Variants in PPP2R2C observed in about 807,000 individuals in gnomAD.
PPP2R2C encodes the protein protein phosphatase 2, regulatory subunit B, gamma.
In PPP2R2C, 10 loss-of-function variants were observed where a neutral mutation model predicts 45.3. The ratio of observed to expected loss-of-function variants is 0.22; its 90% CI spans 0.14 to 0.37. The LOEUF (loss-of-function observed/expected upper bound fraction) is 0.37, where lower values mean the gene tolerates loss of function less well. Among genes scored for constraint, PPP2R2C ranks in the 10% least tolerant of loss-of-function variants. The pLI is 1.00. For synonymous variants in PPP2R2C, 257 were observed against 245.4 expected (o/e 1.05, Z -0.44); for missense variants, 308 against 619.7 (o/e 0.50, Z 5.34).
At chr4:6,422,297 C>G (rs950803963) in intron 1 of PPP2R2C, among the ~76,000 whole-genome samples, 5 of 152,212 alleles carry the variant, frequency 3.3e-5, no homozygotes, top group African/African-American at 1.2e-4. Context: ...CCTGCACCAT[C>G]TCTGGAGGCA....
chr4:6,381,217 G>C, intron 1 of PPP2R2C, 123 bp from the exon 2 acceptor site: 11 of 1,541,514 alleles, frequency 7.1e-6, no homozygotes, highest in Non-Finnish European at 9.6e-6. Flanking sequence ...CTGGGCAGGA[G>C]GCAGCAGGGA....
chr4:6,546,083 G>A (rs931789048), intron 1 of PPP2R2C, among the ~76,000 whole-genome samples: 66 of 152,336 alleles, frequency 4.3e-4, no homozygotes, highest in African/African-American at 1.5e-3. Context: ...AACGATAATA[G>A]CAGCTGTCGC....
rs746672120 is a variant in PPP2R2C at position 6,368,535 on chromosome 4, C to T, written c.625+3988G>A. Among the ~76,000 whole-genome samples the T allele has an allele frequency of 5.9e-5, 9 of 152,210 alleles. No homozygotes were observed. Among genetic ancestry groups the T allele is most frequent in the Middle Eastern group, 3.4e-3 (1 of 292 alleles). On this transcript the variant is annotated intron_variant, in intron 5 of 8. Coordinates refer to ENST00000382599, the MANE Select transcript of PPP2R2C (RefSeq NM_020416.4). This position sits in a 1 kb window ranked among gnomAD's most constrained non-coding sequence, Gnocchi z 4.2. The stretch of plus-strand genomic sequence containing the variant: ...CAGGGCACAATCTGTGTGTTCGGGA[C>T]GGGACAGGAGGCAAGGCTCACGGTA...
At chr4:6,414,261 T>C (rs1718412109) in intron 1 of PPP2R2C, among the ~76,000 whole-genome samples, 1 of 152,092 alleles carries the variant, frequency 6.6e-6, no homozygotes, top group Non-Finnish European at 1.5e-5. Flanking sequence ...GCAGTGGATT[T>C]ATTCGGCAGC....
intron 1 of PPP2R2C, among the ~76,000 whole-genome samples, chr4:6,419,594 C>G (rs1408883714): frequency 6.6e-6 from 1 of 152,132 alleles, no homozygotes; most frequent in Non-Finnish European, 1.5e-5. Flanking sequence ...ATCAGGGACT[C>G]CTCTTCTGGG....
In PPP2R2C at chr4:6,472,597, C is replaced by G. The variant is rs906794352; in HGVS notation, c.-368G>C. ...GCGGCGCTGCGCTGCGCCGACCAAGCCGGGGCCGAGCCGGGCTGCGCGGGC... is the reference window on the plus strand; with the variant it reads ...GCGGCGCTGCGCTGCGCCGACCAAGGCGGGGCCGAGCCGGGCTGCGCGGGC... On this transcript the variant is annotated 5_prime_UTR_variant, in exon 1 of 9. Coordinates refer to ENST00000382599, the MANE Select transcript of PPP2R2C (RefSeq NM_020416.4). Among the ~76,000 whole-genome samples the G allele has an allele frequency of 1.1e-4, 16 of 146,534 alleles. No individual in the cohort carries two copies. The highest frequency in any genetic ancestry group is 2.4e-4 in the Non-Finnish European group (16 of 65,890).
chr4:6,514,400 A>G (rs1723767873), intron 2 of PPP2R2C, among the ~76,000 whole-genome samples: 1 of 152,196 alleles, frequency 6.6e-6, no homozygotes, highest in African/African-American at 2.4e-5. Flanking sequence ...CAATTTTGTT[A>G]TGGCCACTTT....
intron 2 of PPP2R2C, among the ~76,000 whole-genome samples, chr4:6,498,794 GA>G (rs1722955707): frequency 6.6e-6 from 1 of 152,164 alleles, no homozygotes; most frequent in Non-Finnish European, 1.5e-5. Context: ...CATCAATGGG[GA>G]AAAGGACTCT....
intron 1 of PPP2R2C, among the ~76,000 whole-genome samples, chr4:6,388,059 C>T (rs1716355176): frequency 6.6e-6 from 1 of 152,208 alleles, no homozygotes; most frequent in African/African-American, 2.4e-5. Context: ...GCTCAGGGCC[C>T]CAGATCAGCC....
At position 6,510,144 on chromosome 4, in the gene PPP2R2C, TCATGCCACCCA is replaced by T. The variant is rs1192476270; in HGVS notation, c.49+25116_49+25126del. 3.3e-5 allele frequency among the ~76,000 whole-genome samples: 5 copies of T among 152,244 alleles called. No homozygotes were observed. In the East Asian group the frequency reaches 9.6e-4, roughly 29 times the overall value. Reference sequence around the variant, plus strand: ...ATGGCCTTACAAAACCTACACAGGATCATGCCACCCACCTGCTTCAAATCCCTCCCATCTTA... The same window carrying T: ...ATGGCCTTACAAAACCTACACAGGATCCTGCTTCAAATCCCTCCCATCTTA... On this transcript the variant is annotated intron_variant, in intron 2 of 9. Coordinates refer to the PPP2R2C transcript ENST00000506140.
rs562090011 is a variant in PPP2R2C at position 6,324,628 on chromosome 4, T to G, written c.1053-1035A>C. ...GAGGACTCGGGCGAATAAACAAACA[T>G]GCATCGCCATGAGGGTCGGGGCGAG... is the stretch of plus-strand genomic sequence containing the variant. On this transcript the variant is annotated intron_variant, in intron 8 of 8. Coordinates refer to ENST00000382599, the MANE Select transcript of PPP2R2C (RefSeq NM_020416.4). This position sits in a 1 kb window ranked among gnomAD's most constrained non-coding sequence, Gnocchi z 4.1. 6.6e-6 allele frequency among the ~76,000 whole-genome samples: 1 copy of G among 152,094 alleles called. No individual in the cohort carries two copies. Among genetic ancestry groups the G allele is most frequent in the Non-Finnish European group, 1.5e-5 (1 of 67,986 alleles).
chr4:6,359,320 G>T (rs1218350091), intron 5 of PPP2R2C, among the ~76,000 whole-genome samples: 1 of 152,120 alleles, frequency 6.6e-6, no homozygotes, highest in Admixed American at 6.5e-5. Context: ...ACAGGGCGGG[G>T]AACATCACAC....
At chr4:6,496,581 G>T (rs1394669492) in intron 2 of PPP2R2C, among the ~76,000 whole-genome samples, 1 of 152,212 alleles carries the variant, frequency 6.6e-6, no homozygotes, top group Admixed American at 6.5e-5. Flanking sequence ...TCTGTGATAG[G>T]CTGGACACAG....
At chr4:6,420,916 G>A in intron 1 of PPP2R2C, 1 of 983,838 alleles carries the variant, frequency 1.0e-6, no homozygotes, top group Non-Finnish European at 1.2e-6. Context: ...CCCATCATCT[G>A]CTTACCAAGC....
chr4:6,362,528 G>A (rs1560481381), intron 5 of PPP2R2C, among the ~76,000 whole-genome samples: 2 of 152,174 alleles, frequency 1.3e-5, no homozygotes, highest in African/African-American at 2.4e-5. Flanking sequence ...AATTGGGCCT[G>A]TCTTTCCACA....
chr4:6,549,447 T>C (rs1400372142), intron 1 of PPP2R2C, among the ~76,000 whole-genome samples: 2 of 152,162 alleles, frequency 1.3e-5, no homozygotes, highest in South Asian at 2.1e-4. Flanking sequence ...ACCTGAATAA[T>C]GACAAAGATA....
Position 6,355,615 on chromosome 4 carries a change from G to A in PPP2R2C, c.626-7605C>T, listed in dbSNP as rs964690424. Reference sequence around the variant, plus strand: ...AGGGTGTGAGGGGTTTTTTAGGAGTGGATCGTCACTGACAAAGGCCATTCA... The same window carrying A: ...AGGGTGTGAGGGGTTTTTTAGGAGTAGATCGTCACTGACAAAGGCCATTCA... On this transcript the variant is annotated intron_variant, in intron 5 of 8. Coordinates refer to ENST00000382599, the MANE Select transcript of PPP2R2C (RefSeq NM_020416.4). 2.6e-5 allele frequency among the ~76,000 whole-genome samples: 4 copies of A among 151,702 alleles called. No homozygotes were observed. In the South Asian group the frequency reaches 6.3e-4, roughly 24 times the overall value.
At chr4:6,399,429 C>T (rs1717267414) in intron 1 of PPP2R2C, among the ~76,000 whole-genome samples, 1 of 152,226 alleles carries the variant, frequency 6.6e-6, no homozygotes, top group Admixed American at 6.5e-5. Flanking sequence ...TCATTTGGTG[C>T]ATTTTTCATC....
intron 2 of PPP2R2C, among the ~76,000 whole-genome samples, chr4:6,512,539 G>GTGGTGGTGGTGGTGA (rs1723677194): frequency 3.4e-5 from 2 of 58,342 alleles, no homozygotes; most frequent in East Asian, 2.7e-3. Flanking sequence ...GATGGTGATG[G>GTGGTGGTGGTGGTGA]TGGTGATGGT....
Sources: gnomAD v4.1 joint callset for allele counts (sites outside exome capture counted in the v4.1 genomes callset) on GRCh38, gnomAD v4.1.1 for gene constraint, Gnocchi (gnomAD v3.1) non-coding constraint, MANE v1.5 for transcripts, NCBI Gene and HGNC (gene_info 2026-07-23, HGNC 2026-07-21) for gene names.